Variants in THSD7B observed in about 807,000 individuals in gnomAD.
THSD7B encodes thrombospondin type-1 domain-containing protein 7B.
Under a neutral mutation model 213.6 loss-of-function variants are expected in THSD7B, and 138 were observed. The observed-to-expected ratio is 0.65, with a 90% CI of 0.56 to 0.74. The LOEUF (loss-of-function observed/expected upper bound fraction) is 0.74. Ranked by LOEUF, THSD7B falls within the 30% of genes least tolerant of loss-of-function variation. The pLI, the probability that THSD7B is intolerant of heterozygous loss-of-function variation, is 0.00. For missense variants in THSD7B, 1,931 were observed against 1,991.5 expected (o/e 0.97, Z 0.58); for synonymous variants, 742 against 687.0 (o/e 1.08, Z -1.25).
intron 5 of THSD7B, among the ~76,000 whole-genome samples, chr2:137,151,075 T>C (rs1165450359): frequency 2.6e-5 from 4 of 152,158 alleles, no homozygotes; most frequent in Non-Finnish European, 5.9e-5. Flanking sequence ...TACACTACTG[T>C]AGATTTTATA....
chr2:137,366,573 A>G (rs1211506557), intron 12 of THSD7B, among the ~76,000 whole-genome samples: 2 of 152,016 alleles, frequency 1.3e-5, no homozygotes, highest in Non-Finnish European at 2.9e-5. Context: ...TCTATGTGTT[A>G]CATCTACTTC....
chr2:136,980,838 A>C (rs185354389), intron 2 of THSD7B, among the ~76,000 whole-genome samples: 12 of 152,132 alleles, frequency 7.9e-5, no homozygotes, highest in Admixed American at 2.6e-4. Context: ...TAGCACAATC[A>C]CTCACCGCCT....
At chr2:137,323,624 A>T (rs975956916) in intron 12 of THSD7B, among the ~76,000 whole-genome samples, 6 of 152,196 alleles carry the variant, frequency 3.9e-5, no homozygotes, top group South Asian at 2.1e-4. Context: ...CTATTGAGGG[A>T]GTGGGGAGTC....
intron 15 of THSD7B, among the ~76,000 whole-genome samples, chr2:137,525,491 A>C (rs576744113): frequency 6.6e-6 from 1 of 152,156 alleles, no homozygotes; most frequent in South Asian, 2.1e-4. Flanking sequence ...CCCAGCCACT[A>C]TAATTCTCTC....
intron 6 of THSD7B, among the ~76,000 whole-genome samples, chr2:137,162,653 T>A (rs1680041071): frequency 6.6e-6 from 1 of 152,196 alleles, no homozygotes; most frequent in African/African-American, 2.4e-5. Context: ...TCTATGGCAA[T>A]TCAAAGAATG....
chr2:137,429,608 G>A (rs542888983), intron 14 of THSD7B, among the ~76,000 whole-genome samples: 65 of 152,144 alleles, frequency 4.3e-4, no homozygotes, highest in Non-Finnish European at 8.2e-4. Context: ...TTTGAATAAA[G>A]TATTCTGGTT....
At chr2:137,273,512 C>T (rs1682798213) in intron 11 of THSD7B, among the ~76,000 whole-genome samples, 1 of 152,042 alleles carries the variant, frequency 6.6e-6, no homozygotes, top group South Asian at 2.1e-4. Context: ...GTTTTATCGG[C>T]ACACTTATAA....
Position 137,396,898 on chromosome 2 carries a change from G to A in THSD7B, c.2501-8715G>A, listed in dbSNP as rs570028049. Among the ~76,000 whole-genome samples the A allele has an allele frequency of 1.1e-4, 16 of 150,304 alleles. 2 individuals carry two copies. In the South Asian group the frequency reaches 2.6e-3, roughly 24 times the overall value. ...GATAGTTAGCTCTTCTTGTTGAATT[G>A]ATCCCTTTACCATTATGTAATGGCC... is the stretch of plus-strand genomic sequence containing the variant. On this transcript the variant is annotated intron_variant, in intron 12 of 27. Coordinates refer to ENST00000409968, the MANE Select transcript of THSD7B (RefSeq NM_001316349.2).
chr2:137,550,417 G>A (rs369693810), intron 15 of THSD7B, among the ~76,000 whole-genome samples: 16 of 151,998 alleles, frequency 1.1e-4, no homozygotes, highest in East Asian at 3.9e-4. Flanking sequence ...CTTAAACCAC[G>A]CACAATCAGA....
chr2:137,299,915 A>G (rs1421805125), intron 12 of THSD7B, among the ~76,000 whole-genome samples: 2 of 152,140 alleles, frequency 1.3e-5, no homozygotes, highest in East Asian at 3.8e-4. Context: ...ATAAAACATG[A>G]TATTATATGC....
intron 15 of THSD7B, among the ~76,000 whole-genome samples, chr2:137,560,827 C>A (rs1002121639): frequency 6.6e-6 from 1 of 152,036 alleles, no homozygotes; most frequent in African/African-American, 2.4e-5. Context: ...AACACCACTG[C>A]CCAGCCCCAA....
chr2:136,799,104 G>A (rs1431389070), intron 1 of THSD7B, among the ~76,000 whole-genome samples: 2 of 151,868 alleles, frequency 1.3e-5, no homozygotes, highest in East Asian at 1.9e-4. Context: ...TTACTAACCA[G>A]CAACAATATC....
intron 2 of THSD7B, among the ~76,000 whole-genome samples, chr2:137,023,369 C>A (rs1686482199): frequency 6.6e-6 from 1 of 152,138 alleles, no homozygotes; most frequent in Admixed American, 6.5e-5. Flanking sequence ...CAGGGTTTCT[C>A]TTTGCTTCCA....
chr2:137,432,021 T>C (rs868586427), intron 14 of THSD7B, among the ~76,000 whole-genome samples: 1 of 152,306 alleles, frequency 6.6e-6, no homozygotes, highest in South Asian at 2.1e-4. Context: ...ATTGGAAAGA[T>C]CTTTATATTT....
intron 2 of THSD7B, among the ~76,000 whole-genome samples, chr2:136,916,762 T>G (rs1319027694): frequency 6.6e-6 from 1 of 152,192 alleles, no homozygotes; most frequent in African/African-American, 2.4e-5. Flanking sequence ...TAAGTTGCCA[T>G]AGCACCTGTC....
intron 1 of THSD7B, among the ~76,000 whole-genome samples, chr2:136,773,161 G>T (rs1415555915): frequency 2.0e-5 from 3 of 152,010 alleles, no homozygotes; most frequent in Admixed American, 2.0e-4. Flanking sequence ...ATGTCAGGGT[G>T]CTTTGCAAAG....
intron 2 of THSD7B, among the ~76,000 whole-genome samples, chr2:136,882,593 A>G (rs1034652916): frequency 1.3e-5 from 2 of 152,170 alleles, no homozygotes; most frequent in African/African-American, 4.8e-5. Context: ...CAAATATTTC[A>G]CCAGTGTGCA....
intron 2 of THSD7B, among the ~76,000 whole-genome samples, chr2:136,993,469 G>C (rs1685824843): frequency 6.6e-6 from 1 of 152,310 alleles, no homozygotes; most frequent in South Asian, 2.1e-4. Flanking sequence ...ATTTAGCCTT[G>C]TAGTCAAGAA....
chr2:136,900,388 T>G (rs981737209), intron 2 of THSD7B, among the ~76,000 whole-genome samples: 1 of 152,182 alleles, frequency 6.6e-6, no homozygotes, highest in Non-Finnish European at 1.5e-5. Context: ...TTGAGTTATG[T>G]GTTGTTATCG....
Sources: allele counts gnomAD v4.1 joint callset (sites outside exome capture counted in the v4.1 genomes callset), GRCh38; gene constraint gnomAD v4.1.1; transcripts MANE v1.5; gene names NCBI Gene and HGNC (gene_info 2026-07-23, HGNC 2026-07-21).